The following LAMA3 variants were observed in gnomAD, a reference collection of about 807,000 sequenced individuals.
The protein encoded by LAMA3 is laminin subunit alpha 3.
A neutral mutation model predicts 402.0 loss-of-function variants in LAMA3; 281 were observed. The ratio of observed to expected loss-of-function variants is 0.70; its 90% CI spans 0.63 to 0.77. The LOEUF is 0.77. Ranked by LOEUF, LAMA3 falls within the 30% of genes least tolerant of loss-of-function variation. The probability of loss-of-function intolerance (pLI) is 0.00; values close to 1 mark genes in which losing one functional copy is unlikely to be tolerated. For missense variants in LAMA3, 3,840 were observed against 4,215.5 expected, an observed-to-expected ratio of 0.91 and a Z score of 2.47; for synonymous variants, 1,431 against 1,558.4, an observed-to-expected ratio of 0.92 and a Z score of 1.93.
chr18:23,890,238 C>T (rs2080612819), intron 42 of LAMA3, 121 bp downstream of exon 42: 1 of 734,186 alleles, frequency 1.4e-6, no homozygotes, highest in South Asian at 1.5e-5. Context: ...GCAAGCTGTC[C>T]CCAGGATGCA....
intron 13 of LAMA3, 49 bp from the exon 14 acceptor site, chr18:23,813,008 G>A (rs1329023778): frequency 1.6e-6 from 2 of 1,280,716 alleles, no homozygotes; most frequent in African/African-American, 1.5e-5. Flanking sequence ...TCAAAACAAA[G>A]AGAAAAACAA....
chr18:23,953,641 C>T (rs1197388766), intron 74 of LAMA3, among the ~76,000 whole-genome samples: 1 of 152,078 alleles, frequency 6.6e-6, no homozygotes, highest in Admixed American at 6.5e-5. Flanking sequence ...TGCACCTGGC[C>T]CCAAGCCTAT....
intron 41 of LAMA3, 39 bp downstream of exon 41, chr18:23,884,892 G>A: frequency 6.6e-7 from 1 of 1,524,452 alleles, no homozygotes; most frequent in East Asian, 2.3e-5. Flanking sequence ...CTGCAGAGGG[G>A]GCGGGGAGGG....
intron 41 of LAMA3, among the ~76,000 whole-genome samples, chr18:23,889,729 G>A (rs904041373): frequency 5.3e-5 from 8 of 150,062 alleles, no homozygotes; most frequent in Admixed American, 2.7e-4. Flanking sequence ...AGGAAGAAAG[G>A]AAGGAAAGGA....
Position 23,871,502 on chromosome 18 carries a change from G to A in LAMA3, c.4839G>A (p.Leu1613=), listed in dbSNP as rs777666266. The change falls in exon 38 of 75, where the codon CTG becomes CTA. Residue 1613 remains leucine, a synonymous_variant. Transcript: ENST00000313654. ...REELMTVLSR[L]ADVRIQGLYF... Reference sequence around the variant, plus strand: ...AGCTGATGACAGTGCTGTCTAGACTGGCAGATGTGCGCATCCAAGGCCTCT... The same window carrying A: ...AGCTGATGACAGTGCTGTCTAGACTAGCAGATGTGCGCATCCAAGGCCTCT... 1 of 1,614,078 alleles carries A rather than the reference G, an allele frequency of 6.2e-7. No individual in the cohort carries two copies. The highest frequency in any genetic ancestry group is 8.5e-7 in the Non-Finnish European group (1 of 1,180,038).
rs1489054444 is a variant in LAMA3 at position 23,861,643 on chromosome 18, C to T, written c.4423-3C>T. Reference sequence around the variant, plus strand: ...CATCCCTTGCTTCTCTCCCTCTTTCCAGTTTGTGGATATGCTGGGCTGGCA... The same window carrying T: ...CATCCCTTGCTTCTCTCCCTCTTTCTAGTTTGTGGATATGCTGGGCTGGCA... On this transcript the variant is annotated splice_region_variant and splice_polypyrimidine_tract_variant and intron_variant, in intron 34 of 74. Transcript: ENST00000313654. 1 of 1,614,162 alleles carries T rather than the reference C, an allele frequency of 6.2e-7. No homozygotes were observed. Among genetic ancestry groups the T allele is most frequent in the Non-Finnish European group, 8.5e-7 (1 of 1,180,038 alleles).
chr18:23,784,544 G>A (rs1276527982), intron 12 of LAMA3, among the ~76,000 whole-genome samples: 1 of 152,144 alleles, frequency 6.6e-6, no homozygotes, highest in African/African-American at 2.4e-5. Context: ...AAGATGGGAA[G>A]GTGGATGACA....
At chr18:23,836,194 C>T (rs1941513) in intron 24 of LAMA3, among the ~76,000 whole-genome samples, 23,007 of 151,672 alleles carry the variant, frequency 0.15, 3,827 homozygotes, top group African/African-American at 0.4. Flanking sequence ...TTCTAATATA[C>T]AATACACACT....
At chr18:23,846,179 A>G in intron 30 of LAMA3, 118 bp from the exon 31 acceptor site, 1 of 1,048,198 alleles carries the variant, frequency 9.5e-7, no homozygotes, top group African/African-American at 1.6e-5. Flanking sequence ...CCCTGACTCC[A>G]GAACCATGAG....
intron 19 of LAMA3, 90 bp from the exon 20 acceptor site, chr18:23,822,162 G>A (rs781661047): frequency 3.8e-5 from 54 of 1,428,110 alleles, no homozygotes; most frequent in Non-Finnish European, 5.0e-5. Flanking sequence ...AAGTCCAGTA[G>A]TGACACTTGA....
intron 23 of LAMA3, among the ~76,000 whole-genome samples, chr18:23,829,254 G>A (rs896480956): frequency 3.9e-5 from 6 of 152,224 alleles, no homozygotes; most frequent in Admixed American, 1.3e-4. Context: ...TATATTTAAA[G>A]TCTTTCTCAG....
Position 23,822,385 on chromosome 18 carries a change from G to C in LAMA3, c.2428+10G>C. ...ATTTATCCATCCTGGGGTAAGGCAC[G>C]TAGGTAAAATGTCAAGCCTCTTTTC... On this transcript the variant is annotated intron_variant, in intron 20 of 74. Transcript: ENST00000313654. 1.2e-6 allele frequency: 2 copies of C among 1,612,676 alleles called. No individual in the cohort carries two copies.
intron 56 of LAMA3, among the ~76,000 whole-genome samples, 178 bp downstream of exon 56, chr18:23,913,059 C>T (rs2081489895): frequency 1.3e-5 from 2 of 152,238 alleles, no homozygotes; most frequent in Non-Finnish European, 2.9e-5. Flanking sequence ...TGGCAGTGCC[C>T]TCGAGGGGCC....
In LAMA3 at chr18:23,846,258, C is replaced by T. The variant is rs2063812413; in HGVS notation, c.3720-39C>T. 2.5e-6 allele frequency: 4 copies of T among 1,602,612 alleles called. No individual in the cohort carries two copies. In the South Asian group the frequency reaches 4.4e-5, roughly 18 times the overall value. ...AGGTTGAGGCCACTCCCATACACAC[C>T]TCCCCAGGCATCACCATGAGTTGTT... On this transcript the variant is annotated intron_variant, in intron 30 of 74. Coordinates refer to ENST00000313654, the MANE Select transcript of LAMA3 (RefSeq NM_198129.4).
intron 8 of LAMA3, among the ~76,000 whole-genome samples, chr18:23,766,573 C>T (rs777932227): frequency 8.5e-5 from 13 of 152,118 alleles, no homozygotes; most frequent in Non-Finnish European, 1.8e-4. Flanking sequence ...CGTGGTGGCT[C>T]ATGCCTGTAA....
At chr18:23,825,463 T>A (rs898043977) in intron 21 of LAMA3, among the ~76,000 whole-genome samples, 3 of 152,214 alleles carry the variant, frequency 2.0e-5, no homozygotes, top group African/African-American at 7.2e-5. Flanking sequence ...TTAATTCCAA[T>A]CCTGTCTCTT....
Position 23,881,165 on chromosome 18 carries a change from G to T in LAMA3, c.5113-771G>T, listed in dbSNP as rs143700000. On this transcript the variant is annotated intron_variant, in intron 39 of 74. Transcript: ENST00000313654. ...TAGGTTTTGTCTCAATAGACCACTT[G>T]GTTGCAAAATTATTTCATCTCAACA... is the stretch of plus-strand genomic sequence containing the variant. 5.8e-3 allele frequency among the ~76,000 whole-genome samples: 888 copies of T among 152,138 alleles called. 6 individuals are homozygous for T. Among genetic ancestry groups the T allele is most frequent in the Middle Eastern group, 0.01 (3 of 294 alleles).
intron 25 of LAMA3, 68 bp downstream of exon 25, chr18:23,837,157 T>A (rs982340669): frequency 1.8e-6 from 2 of 1,134,370 alleles, no homozygotes; most frequent in Non-Finnish European, 2.6e-6. Flanking sequence ...TTGAAGCTTA[T>A]TAAAATTTTG....
intron 23 of LAMA3, 48 bp from the exon 24 acceptor site, chr18:23,833,780 T>C (rs2063529095): frequency 6.2e-7 from 1 of 1,608,258 alleles, no homozygotes; most frequent in Non-Finnish European, 8.5e-7. Context: ...GTGTGGCCTG[T>C]ACATGTCACA....
Sources: allele counts gnomAD v4.1 joint callset (sites outside exome capture counted in the v4.1 genomes callset), GRCh38; gene constraint gnomAD v4.1.1; transcripts MANE v1.5; gene names NCBI Gene and HGNC (gene_info 2026-07-23, HGNC 2026-07-21).